The following UBE3A variants were observed in gnomAD, a reference collection of about 807,000 sequenced individuals.
The protein encoded by UBE3A is ubiquitin-protein ligase E3A.
Under a neutral mutation model 83.4 loss-of-function variants are expected in UBE3A, and 6 were observed. The ratio of observed to expected loss-of-function variants is 0.07; its 90% CI spans 0.04 to 0.14. The LOEUF (loss-of-function observed/expected upper bound fraction) is 0.14, where lower values mean the gene tolerates loss of function less well. UBE3A is among the 10% of genes least tolerant of loss of function. The pLI is 1.00. For synonymous variants in UBE3A, 337 were observed against 355.4 expected (o/e 0.95, Z 0.58); for missense variants, 456 against 1,036.1 (o/e 0.44, Z 7.69).
At chr15:25,388,876 T>G (rs556818111) in intron 4 of UBE3A, among the ~76,000 whole-genome samples, 1 of 152,150 alleles carries the variant, frequency 6.6e-6, no homozygotes, top group South Asian at 2.1e-4. Context: ...CATTAGCGTG[T>G]CCCAAAATGA....
At chr15:25,353,940 TTAAA>T in intron 11 of UBE3A, 1 of 240,844 alleles carries the variant, frequency 4.2e-6, no homozygotes, top group Non-Finnish European at 8.2e-6. Context: ...ATCTTAAGAA[TTAAA>T]TAAAAGACTA....
rs1304796231 is a variant in UBE3A at position 25,371,086 on chromosome 15, T to G, written c.1088A>C (p.Asp363Ala). 6.2e-7 allele frequency: 1 copy of G among 1,614,080 alleles called. No homozygotes were observed. The highest frequency in any genetic ancestry group is 8.5e-7 in the Non-Finnish European group (1 of 1,179,948). ...FNSRNLVNDD[D>A]AIVAASKCLK... ...GCACTTCGAAGCAGCAACAATGGCA[T>G]CATCATCATTCACTAGATTTCGACT... The change falls in exon 6 of 13, where the codon GAT (aspartate) becomes GCT (alanine). Residue 363 changes from aspartate (D) to alanine (A), a missense_variant. By Grantham distance (126) the Asp-to-Ala change is moderately radical. This residue lies in a region of UBE3A where 85 missense variants were observed against 137.0 expected (regional missense o/e 0.62). Coordinates refer to ENST00000648336, the MANE Select transcript of UBE3A (RefSeq NM_130839.5). This position sits in a 1 kb window ranked among gnomAD's most constrained non-coding sequence, Gnocchi z 5.3.
chr15:25,391,219 T>C (rs1036451313), intron 4 of UBE3A, among the ~76,000 whole-genome samples: 8 of 152,174 alleles, frequency 5.3e-5, no homozygotes, highest in East Asian at 1.9e-4. Context: ...CTTGAGGACA[T>C]TGCTATGTGA....
At chr15:25,432,987 T>G (rs2153186811) in intron 1 of UBE3A, among the ~76,000 whole-genome samples, 1 of 152,312 alleles carries the variant, frequency 6.6e-6, no homozygotes, top group East Asian at 1.9e-4. Context: ...TCTTTTCCTT[T>G]CAGGTCAATC....
intron 1 of UBE3A, chr15:25,418,764 G>T (rs1445167565): frequency 6.6e-6 from 1 of 152,110 alleles, no homozygotes; most frequent in Admixed American, 6.6e-5. Context: ...TCTTAACAAT[G>T]TAACACTGTC....
intron 5 of UBE3A, among the ~76,000 whole-genome samples, chr15:25,373,168 T>C (rs2080587276): frequency 6.6e-6 from 1 of 152,156 alleles, no homozygotes; most frequent in African/African-American, 2.4e-5. Flanking sequence ...GGAAACCTAT[T>C]TCTCATTATT....
intron 11 of UBE3A, among the ~76,000 whole-genome samples, chr15:25,351,604 G>T (rs2152646581): frequency 6.6e-6 from 1 of 152,308 alleles, no homozygotes; most frequent in East Asian, 1.9e-4. Context: ...CGAGGAGCTG[G>T]GATTACAGCT....
chr15:25,413,127 C>T, intron 1 of UBE3A: 2 of 396,918 alleles, frequency 5.0e-6, no homozygotes, highest in Non-Finnish European at 9.8e-6. Flanking sequence ...AAACTGTAAG[C>T]ACTACAAATA....
Position 25,405,491 on chromosome 15 carries a change from G to A in UBE3A, c.32C>T (p.Pro11Leu). 6.2e-7 allele frequency: 1 copy of A among 1,613,846 alleles called. No individual in the cohort carries two copies. The highest frequency in any genetic ancestry group is 8.5e-7 in the Non-Finnish European group (1 of 1,179,864). Residue 11 changes from proline to leucine, a missense_variant, in exon 4 of 13, where the codon CCT becomes CTT. Pro to Leu is a moderately conservative substitution (Grantham distance 98). Around this residue, in one of 13 missense-constraint regions of UBE3A, gnomAD observed 23 missense variants for 18.6 expected, o/e 1.24. Coordinates refer to ENST00000648336, the MANE Select transcript of UBE3A (RefSeq NM_130839.5). ...GCTAGCTTCAATGTCGTCAGACTGA[G>A]GTTCTCCTGATCTGTAAAATGCAAT... MATACKRSGE[P>L]QSDDIEASRM...
In UBE3A at chr15:25,335,044, G is replaced by A. The variant is rs540535099; in HGVS notation, c.*4093C>T. ...TATCATGAATTTACTTACACTCCAGGCAAAGGTTATTAGAAGAAAAAAAGA... is the reference window on the plus strand; with the variant it reads ...TATCATGAATTTACTTACACTCCAGACAAAGGTTATTAGAAGAAAAAAAGA... On this transcript the variant is annotated 3_prime_UTR_variant, in exon 13 of 13. Transcript: ENST00000648336. 6.6e-6 allele frequency: 1 copy of A among 151,762 alleles called. No homozygotes were observed. The highest frequency in any genetic ancestry group is 2.1e-4 in the South Asian group (1 of 4,788). The allele number at this position is 151,762 out of a possible 1,614,324, so 9.4% of individuals were successfully genotyped here.
chr15:25,354,363 C>A lies in UBE3A; in HGVS notation c.2344G>T (p.Val782Phe). The A allele has an allele frequency of 1.9e-6, 3 of 1,613,432 alleles. No individual in the cohort carries two copies. Among genetic ancestry groups the A allele is most frequent in the East Asian group, 2.2e-5 (1 of 44,842 alleles). ...EYDGGYTRDS[V>F]LIREFWEIVH... The stretch of plus-strand genomic sequence containing the variant: ...AACTAAGTACCTCACCTAATCAGAA[C>A]AGAGTCCCTGGTATAGCCACCGTCA... Residue 782 changes from valine to phenylalanine, a missense_variant, in exon 11 of 13, where the codon GTT becomes TTT. Val to Phe is a conservative substitution (Grantham distance 50). Transcript: ENST00000648336.
chr15:25,356,183 TC>T, intron 8 of UBE3A, 127 bp from the exon 9 acceptor site: 1 of 1,106,384 alleles, frequency 9.0e-7, no homozygotes, highest in Non-Finnish European at 1.3e-6. Context: ...GTAGACAGTA[TC>T]CCTCCAGTCC....
chr15:25,334,908 C>T lies in UBE3A; in HGVS notation c.*4229G>A, dbSNP rs553253338. 14 of 152,014 alleles carry T rather than the reference C, an allele frequency of 9.2e-5. No individual in the cohort carries two copies. The highest frequency in any genetic ancestry group is 3.9e-4 in the Admixed American group (6 of 15,288). 9.4% of individuals were successfully genotyped at this position (152,014 alleles called of 1,614,324 possible). On this transcript the variant is annotated 3_prime_UTR_variant, in exon 13 of 13. Coordinates refer to ENST00000648336, the MANE Select transcript of UBE3A (RefSeq NM_130839.5). ...ACTTCACTACATTCTACTGCATGCT[C>T]GGTCATTTTCAATCATTTAGGTGGC... is the stretch of plus-strand genomic sequence containing the variant.
chr15:25,409,697 T>C (rs1056864280), intron 2 of UBE3A, among the ~76,000 whole-genome samples: 2 of 152,116 alleles, frequency 1.3e-5, no homozygotes, highest in Admixed American at 6.5e-5. Flanking sequence ...TTTAAGTATA[T>C]GTAAATGAGT....
intron 8 of UBE3A, 58 bp from the exon 9 acceptor site, chr15:25,356,114 A>T (rs1242880115): frequency 1.3e-6 from 2 of 1,575,344 alleles, no homozygotes; most frequent in African/African-American, 2.7e-5. Context: ...ACAACAAATA[A>T]TTTATATCAC....
At chr15:25,392,990 C>A (rs929113586) in intron 4 of UBE3A, among the ~76,000 whole-genome samples, 1 of 152,074 alleles carries the variant, frequency 6.6e-6, no homozygotes. Context: ...CCGGAAGATT[C>A]GTAACCCACT....
chr15:25,350,461 A>G (rs1410681241), intron 11 of UBE3A, among the ~76,000 whole-genome samples: 1 of 152,162 alleles, frequency 6.6e-6, no homozygotes, highest in African/African-American at 2.4e-5. Flanking sequence ...AAAAAAGCAA[A>G]ACTAAGGATA....
chr15:25,376,566 C>T (rs2081255923), intron 4 of UBE3A, among the ~76,000 whole-genome samples: 1 of 152,044 alleles, frequency 6.6e-6, no homozygotes, highest in African/African-American at 2.4e-5. Flanking sequence ...TCACTTGAGC[C>T]TGAGAGTCAA....
In UBE3A at chr15:25,334,547, A is replaced by G. The variant is rs750521286; in HGVS notation, c.*4590T>C. 2 of 152,000 alleles carry G rather than the reference A, an allele frequency of 1.3e-5. No individual in the cohort carries two copies. Among genetic ancestry groups the G allele is most frequent in the Non-Finnish European group, 2.9e-5 (2 of 68,012 alleles). The allele number at this position is 152,000 out of a possible 1,614,324, so 9.4% of individuals were successfully genotyped here. A position where few individuals can be genotyped will look rare whatever the true frequency, so the allele number is the denominator to read the frequency against. On this transcript the variant is annotated 3_prime_UTR_variant, in exon 13 of 13. Coordinates refer to ENST00000648336, the MANE Select transcript of UBE3A (RefSeq NM_130839.5). ...CTGTTTTGCAGGAATTGACACAATG[A>G]TCATATAAAAATTCATATGCAATGC... is the stretch of plus-strand genomic sequence containing the variant.
Sources: allele counts gnomAD v4.1 joint callset (sites outside exome capture counted in the v4.1 genomes callset), GRCh38; gene constraint gnomAD v4.1.1; regional missense constraint gnomAD v4.1.1; non-coding constraint Gnocchi (gnomAD v3.1); transcripts MANE v1.5; gene names NCBI Gene and HGNC (gene_info 2026-07-23, HGNC 2026-07-21).